The following DDAH1 variants were observed in gnomAD, a reference collection of about 807,000 sequenced individuals.
DDAH1 encodes N(G),N(G)-dimethylarginine dimethylaminohydrolase 1.
Under a neutral mutation model 28.8 loss-of-function variants are expected in DDAH1, and 19 were observed. The ratio of observed to expected loss-of-function variants is 0.66; its 90% CI spans 0.46 to 0.97. The LOEUF (loss-of-function observed/expected upper bound fraction) is 0.97, where lower values mean the gene tolerates loss of function less well. DDAH1 is among the 50% of genes least tolerant of loss of function. The pLI is 0.00. For synonymous variants in DDAH1, 153 were observed against 154.4 expected (o/e 0.99, Z 0.07); for missense variants, 326 against 375.9 (o/e 0.87, Z 1.10).
chr1:85,373,383 C>T (rs996002556), intron 1 of DDAH1, among the ~76,000 whole-genome samples: 1 of 152,090 alleles, frequency 6.6e-6, no homozygotes, highest in Non-Finnish European at 1.5e-5. Context: ...TTGTAATCTC[C>T]ATGTCCCACA....
At chr1:85,475,104 G>T (rs1266720754) in intron 2 of DDAH1, among the ~76,000 whole-genome samples, 1 of 152,146 alleles carries the variant, frequency 6.6e-6, no homozygotes, top group Non-Finnish European at 1.5e-5. Flanking sequence ...TTTGTTCAAA[G>T]GAGCCCTTTG....
chr1:85,426,062 C>G (rs1653380973), intron 1 of DDAH1, among the ~76,000 whole-genome samples: 1 of 152,084 alleles, frequency 6.6e-6, no homozygotes, highest in African/African-American at 2.4e-5. Context: ...AGGATTGTTG[C>G]AAGAATTAAA....
upstream of DDAH1, among the ~76,000 whole-genome samples, chr1:85,467,838 G>T (rs1655437630): frequency 1.3e-5 from 2 of 152,176 alleles, no homozygotes; most frequent in Non-Finnish European, 2.9e-5. Flanking sequence ...GAAGCACAAA[G>T]ACATGATCCT....
chr1:85,430,470 A>C (rs1653622700), intron 1 of DDAH1, among the ~76,000 whole-genome samples: 1 of 152,196 alleles, frequency 6.6e-6, no homozygotes, highest in Non-Finnish European at 1.5e-5. Flanking sequence ...ATAGCATTGA[A>C]TCTATAAATT....
chr1:85,502,562 T>A (rs1428984577), intron 1 of DDAH1, among the ~76,000 whole-genome samples: 1 of 152,098 alleles, frequency 6.6e-6, no homozygotes, highest in Non-Finnish European at 1.5e-5. Context: ...CCTTCTCAGA[T>A]CCCTCTGGCT....
At chr1:85,512,140 G>T (rs1464989727) in intron 1 of DDAH1, among the ~76,000 whole-genome samples, 2 of 152,162 alleles carry the variant, frequency 1.3e-5, no homozygotes, top group African/African-American at 4.8e-5. Flanking sequence ...ACATCAAAAA[G>T]CTTATCCATC....
chr1:85,428,192 AG>A (rs1653499786), intron 1 of DDAH1, among the ~76,000 whole-genome samples: 1 of 152,158 alleles, frequency 6.6e-6, no homozygotes, highest in Non-Finnish European at 1.5e-5. Context: ...TTGTATGTGT[AG>A]AGGTTTGATT....
At chr1:85,374,930 C>T (rs750652529) in intron 1 of DDAH1, among the ~76,000 whole-genome samples, 12 of 152,032 alleles carry the variant, frequency 7.9e-5, no homozygotes, top group Admixed American at 3.3e-4. Context: ...TTTTAGAGTA[C>T]TTCAAGACCT....
chr1:85,352,470 G>A (rs952238846), intron 2 of DDAH1, among the ~76,000 whole-genome samples: 10 of 152,122 alleles, frequency 6.6e-5, no homozygotes, highest in African/African-American at 1.7e-4. Flanking sequence ...AAATGATGTC[G>A]TAGGAAAGTG....
intron 1 of DDAH1, among the ~76,000 whole-genome samples, chr1:85,459,508 TA>T (rs139759792): frequency 2.1e-4 from 32 of 149,114 alleles, no homozygotes; most frequent in African/African-American, 6.1e-4. Flanking sequence ...GTCAAAACAA[TA>T]AAAAAAAAAT....
At chr1:85,370,385 C>T (rs1240582528) in intron 1 of DDAH1, among the ~76,000 whole-genome samples, 1 of 152,160 alleles carries the variant, frequency 6.6e-6, no homozygotes, top group East Asian at 1.9e-4. Context: ...TGGCATTTTA[C>T]CAGATAAAGC....
intron 1 of DDAH1, among the ~76,000 whole-genome samples, chr1:85,532,999 T>A (rs1412005141): frequency 1.3e-5 from 2 of 152,198 alleles, no homozygotes; most frequent in Non-Finnish European, 2.9e-5. Context: ...TAAAGAAACA[T>A]GATTCTTGTT....
chr1:85,556,905 T>G (rs1054743662), intron 1 of DDAH1, among the ~76,000 whole-genome samples: 3 of 152,142 alleles, frequency 2.0e-5, no homozygotes, highest in African/African-American at 7.2e-5. Context: ...TTACCTGAGG[T>G]CAGGAGTTCT....
In DDAH1 at chr1:85,321,581, T is replaced by G. The variant is rs1203790396; in HGVS notation, c.742-13A>C. The G allele has an allele frequency of 6.3e-7, 1 of 1,578,670 alleles. No homozygotes were observed. Among genetic ancestry groups the G allele is most frequent in the Non-Finnish European group, 8.7e-7 (1 of 1,148,142 alleles). Reference sequence around the variant, plus strand: ...GTTTCTCATAAACCTACAGTGGGAATCAAGGAAAAGGAAGAAAAGAAGGAT... The same window carrying G: ...GTTTCTCATAAACCTACAGTGGGAAGCAAGGAAAAGGAAGAAAAGAAGGAT... On this transcript the variant is annotated splice_polypyrimidine_tract_variant and intron_variant, in intron 5 of 5. Transcript: ENST00000284031.
intron 1 of DDAH1, chr1:85,404,309 T>A: frequency 6.9e-7 from 1 of 1,453,596 alleles, no homozygotes; most frequent in Non-Finnish European, 9.3e-7. Flanking sequence ...AACTTCTGCC[T>A]GTAGGATTGC....
chr1:85,539,284 T>C (rs1290182890), intron 1 of DDAH1, among the ~76,000 whole-genome samples: 1 of 152,136 alleles, frequency 6.6e-6, no homozygotes, highest in Non-Finnish European at 1.5e-5. Flanking sequence ...GTAGCTGGGA[T>C]GACAGGCTCC....
intron 1 of DDAH1, among the ~76,000 whole-genome samples, chr1:85,413,201 T>C (rs771250787): frequency 6.6e-6 from 1 of 152,206 alleles, no homozygotes; most frequent in Non-Finnish European, 1.5e-5. Flanking sequence ...ACTGCATCTA[T>C]GATAAGTGGA....
At chr1:85,461,153 A>G (rs938775871) in intron 1 of DDAH1, among the ~76,000 whole-genome samples, 4 of 152,172 alleles carry the variant, frequency 2.6e-5, no homozygotes, top group African/African-American at 9.7e-5. Flanking sequence ...TTTTCCCTAA[A>G]AAGTAAGTTG....
chr1:85,540,961 A>C (rs1658454389), intron 1 of DDAH1, among the ~76,000 whole-genome samples: 1 of 8,770 alleles, frequency 1.1e-4, no homozygotes, highest in Non-Finnish European at 2.4e-3. Context: ...CTCAGTATCT[A>C]AAAAAAAAAA....
Sources: allele counts gnomAD v4.1 joint callset (sites outside exome capture counted in the v4.1 genomes callset), GRCh38; gene constraint gnomAD v4.1.1; transcripts MANE v1.5; gene names NCBI Gene and HGNC (gene_info 2026-07-23, HGNC 2026-07-21).